RYR2: variants seen among roughly 807,000 people sequenced by gnomAD.
RYR2 encodes the protein cardiac muscle ryanodine receptor-calcium release channel.
RYR2 carries 227 observed loss-of-function variants against 601.1 expected under a neutral mutation model. The observed-to-expected ratio is 0.38, with a 90% CI of 0.34 to 0.42. The LOEUF is 0.42. Among genes scored for constraint, RYR2 ranks in the 10% least tolerant of loss-of-function variants. RYR2 has a pLI of 1.00. For missense variants in RYR2, 4,646 were observed against 6,156.5 expected, an observed-to-expected ratio of 0.75 and a Z score of 8.21; for synonymous variants, 2,223 against 2,175.1, an observed-to-expected ratio of 1.02 and a Z score of -0.61.
intron 74 of RYR2, among the ~76,000 whole-genome samples, chr1:237,723,990 A>G (rs1002429045): frequency 6.6e-6 from 1 of 151,880 alleles, no homozygotes; most frequent in African/African-American, 2.4e-5. Flanking sequence ...TATATTATCT[A>G]TTTCTCATCA....
At chr1:237,331,512 C>CTTTTCTTTTTTTTTTTTTT (rs1553405491) in intron 3 of RYR2, among the ~76,000 whole-genome samples, 132 of 150,708 alleles carry the variant, frequency 8.8e-4, no homozygotes, top group African/African-American at 3.1e-3. Flanking sequence ...TTTTTCTTTT[C>CTTTTCTTTTTTTTTTTTTT]TTTTTTTTGA....
At chr1:237,389,910 G>T (rs1285042623) in intron 10 of RYR2, among the ~76,000 whole-genome samples, 1 of 152,170 alleles carries the variant, frequency 6.6e-6, no homozygotes, top group Non-Finnish European at 1.5e-5. Flanking sequence ...AGAGGGAAGA[G>T]CTGGGATTAG....
At position 237,388,097 on chromosome 1, in the gene RYR2, T is replaced by C. The variant is rs1702088633; in HGVS notation, c.687T>C (p.Ile229=). 1 of 1,613,734 alleles carries C rather than the reference T, an allele frequency of 6.2e-7. No homozygotes were observed. The highest frequency in any genetic ancestry group is 1.7e-4 in the Middle Eastern group (1 of 5,992). The change falls in exon 10 of 105, where the codon ATT becomes ATC. Residue 229 remains isoleucine (I), a synonymous_variant. Transcript: ENST00000366574. ...TTTTTATCCTTACAGGGTATCTCAT[T>C]GGTGGTGATGTCCTCAGGTTGCTGC... is the stretch of plus-strand genomic sequence containing the variant. ...SGSEAAQGYL[I]GGDVLRLLHG...
intron 48 of RYR2, among the ~76,000 whole-genome samples, chr1:237,647,170 A>C (rs896502014): frequency 3.9e-5 from 6 of 152,174 alleles, no homozygotes; most frequent in East Asian, 1.9e-4. Context: ...TTTGACACTA[A>C]GGTTAAGTCA....
chr1:237,528,526 C>T (rs1667813103), intron 24 of RYR2, among the ~76,000 whole-genome samples: 1 of 152,066 alleles, frequency 6.6e-6, no homozygotes, highest in African/African-American at 2.4e-5. Flanking sequence ...TATTTATGCA[C>T]ATGTGGTCTA....
intron 1 of RYR2, among the ~76,000 whole-genome samples, chr1:237,210,260 T>C (rs955256408): frequency 1.3e-5 from 2 of 152,214 alleles, no homozygotes; most frequent in South Asian, 2.1e-4. Flanking sequence ...AATTCAGTTA[T>C]AGTACATTTC....
intron 1 of RYR2, among the ~76,000 whole-genome samples, chr1:237,208,477 A>G (rs76519328): frequency 4.0e-4 from 61 of 152,350 alleles, no homozygotes; most frequent in Admixed American, 6.5e-4. Context: ...AGTGCTGAGC[A>G]GTATATGCTT....
intron 1 of RYR2, among the ~76,000 whole-genome samples, chr1:237,179,564 C>T (rs771812002): frequency 6.6e-6 from 1 of 152,016 alleles, no homozygotes; most frequent in Non-Finnish European, 1.5e-5. Context: ...TCTTTATCTG[C>T]GTTATTTCAT....
chr1:237,485,300 A>G (rs1199139988), intron 17 of RYR2, among the ~76,000 whole-genome samples: 1 of 152,228 alleles, frequency 6.6e-6, no homozygotes, highest in African/African-American at 2.4e-5. Context: ...TGTGAGAACC[A>G]ACAGTCCATT....
At chr1:237,455,324 A>G (rs925798454) in intron 15 of RYR2, among the ~76,000 whole-genome samples, 2 of 152,112 alleles carry the variant, frequency 1.3e-5, no homozygotes, top group African/African-American at 2.4e-5. Flanking sequence ...TTTTTTCTGA[A>G]TAAATACTTA....
At chr1:237,585,064 A>G (rs1674376790) in intron 29 of RYR2, among the ~76,000 whole-genome samples, 1 of 152,044 alleles carries the variant, frequency 6.6e-6, no homozygotes, top group African/African-American at 2.4e-5. Flanking sequence ...TTTTATTGGA[A>G]CACCACCACG....
intron 3 of RYR2, among the ~76,000 whole-genome samples, chr1:237,350,137 G>A (rs1247813794): frequency 1.3e-5 from 2 of 152,104 alleles, no homozygotes. Flanking sequence ...TTCATGGATT[G>A]TCAGATTTTA....
At chr1:237,307,897 C>T (rs563486426) in intron 2 of RYR2, among the ~76,000 whole-genome samples, 54 of 147,714 alleles carry the variant, frequency 3.7e-4, no homozygotes, top group Non-Finnish European at 6.5e-4. Context: ...TTATCAGAGG[C>T]ATTCGAGCCA....
At chr1:237,818,284 GT>G (rs1662062053) in intron 100 of RYR2, among the ~76,000 whole-genome samples, 1 of 152,150 alleles carries the variant, frequency 6.6e-6, no homozygotes, top group Non-Finnish European at 1.5e-5. Context: ...TATCTAAGGG[GT>G]AGAGATCAAG....
At position 237,097,895 on chromosome 1, in the gene RYR2, G is replaced by A. The variant is rs185200950; in HGVS notation, c.48+55326G>A. ...CAAGTGAGTGCCCCCAATCCTGTTGGCATTTGTGCTGCAGGAGTTTGGTTG... is the reference window on the plus strand; with the variant it reads ...CAAGTGAGTGCCCCCAATCCTGTTGACATTTGTGCTGCAGGAGTTTGGTTG... On this transcript the variant is annotated intron_variant, in intron 1 of 104. Coordinates refer to ENST00000366574, the MANE Select transcript of RYR2 (RefSeq NM_001035.3). Among the ~76,000 whole-genome samples, 19 of 152,238 alleles carry A rather than the reference G, an allele frequency of 1.2e-4. No individual in the cohort carries two copies. In the East Asian group the frequency reaches 2.9e-3, roughly 23 times the overall value.
chr1:237,633,581 A>G lies in RYR2; in HGVS notation c.6559A>G (p.Ile2187Val). 1 of 1,613,950 alleles carries G rather than the reference A, an allele frequency of 6.2e-7. No individual in the cohort carries two copies. The highest frequency in any genetic ancestry group is 8.5e-7 in the Non-Finnish European group (1 of 1,179,860). Residue 2187 changes from isoleucine (I) to valine (V), a missense_variant, in exon 43 of 105, where the codon ATC becomes GTC. Around this residue, in one of 17 missense-constraint regions of RYR2, gnomAD observed 137 missense variants for 273.6 expected, o/e 0.50. Coordinates refer to ENST00000366574, the MANE Select transcript of RYR2 (RefSeq NM_001035.3). The stretch of plus-strand genomic sequence containing the variant: ...TAATGACATGCTTTATCTGTAGGAA[A>G]TCACCTTTCCCAAGATGGTGGCCAA... ...NVLGGGESKEITFPKMVANCC... is the reference protein window; with the variant it reads ...NVLGGGESKEVTFPKMVANCC...
chr1:237,419,664 C>A (rs1368268490), intron 11 of RYR2, among the ~76,000 whole-genome samples: 2 of 152,012 alleles, frequency 1.3e-5, no homozygotes, highest in Non-Finnish European at 2.9e-5. Flanking sequence ...ATGTTTTGTT[C>A]TTCTCTCTGA....
chr1:237,397,255 A>G (rs559578049), intron 10 of RYR2, among the ~76,000 whole-genome samples: 1 of 152,190 alleles, frequency 6.6e-6, no homozygotes, highest in Admixed American at 6.5e-5. Flanking sequence ...AAAGAAAGAA[A>G]AGAAAAAATG....
intron 8 of RYR2, 126 bp downstream of exon 8, chr1:237,377,561 A>G: frequency 1.7e-6 from 1 of 599,326 alleles, no homozygotes; most frequent in Non-Finnish European, 2.8e-6. Context: ...CTCTATCTCT[A>G]TTAGATTAAT....
Sources: gnomAD v4.1 joint callset for allele counts (sites outside exome capture counted in the v4.1 genomes callset) on GRCh38, gnomAD v4.1.1 for gene constraint, gnomAD v4.1.1 regional missense constraint, MANE v1.5 for transcripts, NCBI Gene and HGNC (gene_info 2026-07-23, HGNC 2026-07-21) for gene names.